The following ASTN2 variants were observed in gnomAD, a reference collection of about 807,000 sequenced individuals.
The protein encoded by ASTN2 is astrotactin-2.
Under a neutral mutation model 139.8 loss-of-function variants are expected in ASTN2, and 54 were observed. That is an observed-to-expected ratio of 0.39 (90% CI 0.31 to 0.48). ASTN2 has a LOEUF of 0.48. Among genes scored for constraint, ASTN2 ranks in the 20% least tolerant of loss-of-function variants. The probability of loss-of-function intolerance (pLI) is 0.95; values close to 1 mark genes in which losing one functional copy is unlikely to be tolerated. For missense variants in ASTN2, 1,565 were observed against 1,725.1 expected (o/e 0.91, Z 1.64); for synonymous variants, 756 against 719.5 (o/e 1.05, Z -0.81).
chr9:116,450,093 A>T (rs1588070387), intron 20 of ASTN2, among the ~76,000 whole-genome samples: 1 of 152,310 alleles, frequency 6.6e-6, no homozygotes, highest in South Asian at 2.1e-4. Flanking sequence ...TAACTGCAAC[A>T]ACTAACAAGC....
chr9:117,116,805 T>C (rs895850955), intron 4 of ASTN2, among the ~76,000 whole-genome samples: 2 of 114,216 alleles, frequency 1.8e-5, no homozygotes, highest in African/African-American at 3.5e-5. Context: ...TGTGTGTTGA[T>C]GGGGTTTTGA....
At chr9:117,088,939 C>T (rs77462582) in intron 5 of ASTN2, among the ~76,000 whole-genome samples, 3,025 of 152,236 alleles carry the variant, frequency 0.02, 57 homozygotes, top group Non-Finnish European at 0.03. Context: ...AGCATTGTGC[C>T]CAGGGCTGGG....
In ASTN2 at chr9:117,337,534, C is replaced by T. The variant is rs146321696; in HGVS notation, c.443-46021G>A. On this transcript the variant is annotated intron_variant, in intron 1 of 22. Transcript: ENST00000313400. The stretch of plus-strand genomic sequence containing the variant: ...TTATAACAGCACCGTTAAGTAATAA[C>T]ACTATGTCAGGTAAGCACAGTGAAG... 4.9e-3 allele frequency among the ~76,000 whole-genome samples: 753 copies of T among 152,254 alleles called. 7 individuals carry two copies. Among genetic ancestry groups the T allele is most frequent in the African/African-American group, 0.018 (731 of 41,536 alleles).
chr9:117,349,394 A>AATCT (rs1488290431), intron 1 of ASTN2, among the ~76,000 whole-genome samples: 2 of 152,280 alleles, frequency 1.3e-5, no homozygotes, highest in East Asian at 3.9e-4. Flanking sequence ...ACTTGTTGAG[A>AATCT]ATCTATCTTG....
chr9:116,604,525 G>C (rs1185464154), intron 19 of ASTN2, among the ~76,000 whole-genome samples: 1 of 152,164 alleles, frequency 6.6e-6, no homozygotes, highest in Non-Finnish European at 1.5e-5. Flanking sequence ...GGCTGACCCG[G>C]AGTAAGCAGA....
intron 2 of ASTN2, among the ~76,000 whole-genome samples, chr9:117,250,749 T>A (rs189489147): frequency 6.6e-6 from 1 of 152,292 alleles, no homozygotes; most frequent in Non-Finnish European, 1.5e-5. Flanking sequence ...ACACAGATAC[T>A]GTCATTCCTG....
rs554536312 is a variant in ASTN2 at position 116,942,777 on chromosome 9, G to A, written c.1889+32431C>T. Among the ~76,000 whole-genome samples, 5 of 152,306 alleles carry A rather than the reference G, an allele frequency of 3.3e-5. No individual in the cohort carries two copies. In the East Asian group the frequency reaches 9.6e-4, roughly 29 times the overall value. On this transcript the variant is annotated intron_variant, in intron 10 of 22. Coordinates refer to ENST00000313400, the MANE Select transcript of ASTN2 (RefSeq NM_001365068.1). Reference sequence around the variant, plus strand: ...GATGAGGAAGATTGAAACAATAAGAGGCCAAGTTCAGCCCAATAAAAGCAA... The same window carrying A: ...GATGAGGAAGATTGAAACAATAAGAAGCCAAGTTCAGCCCAATAAAAGCAA...
intron 2 of ASTN2, among the ~76,000 whole-genome samples, chr9:117,279,611 G>A (rs2133140812): frequency 6.6e-6 from 1 of 152,224 alleles, no homozygotes. Context: ...TTCTTGTTTT[G>A]GGTTTTAGCC....
intron 19 of ASTN2, among the ~76,000 whole-genome samples, chr9:116,532,265 T>C (rs1250603465): frequency 6.6e-6 from 1 of 152,226 alleles, no homozygotes; most frequent in Non-Finnish European, 1.5e-5. Context: ...ATATTAGCCC[T>C]TTGTCAGATG....
chr9:117,335,176 T>G (rs1828844260), intron 1 of ASTN2, among the ~76,000 whole-genome samples: 1 of 152,230 alleles, frequency 6.6e-6, no homozygotes, highest in African/African-American at 2.4e-5. Flanking sequence ...TTCCATCACT[T>G]GTATATTTAT....
chr9:116,754,429 A>T (rs1176144132), intron 13 of ASTN2, among the ~76,000 whole-genome samples: 1 of 152,214 alleles, frequency 6.6e-6, no homozygotes, highest in Non-Finnish European at 1.5e-5. Flanking sequence ...TCACACCAAC[A>T]GTGTAAAAGC....
At chr9:117,407,495 G>A (rs894159295) in intron 1 of ASTN2, among the ~76,000 whole-genome samples, 1 of 152,324 alleles carries the variant, frequency 6.6e-6, no homozygotes, top group South Asian at 2.1e-4. Flanking sequence ...TGAAGAAGTA[G>A]TTTCCCTTCA....
intron 11 of ASTN2, among the ~76,000 whole-genome samples, chr9:116,824,003 T>C (rs1197099235): frequency 2.0e-5 from 3 of 152,242 alleles, no homozygotes; most frequent in South Asian, 2.1e-4. Flanking sequence ...GTATGGACCA[T>C]GTGGCTTGTC....
chr9:116,632,187 AGAG>A lies in ASTN2; in HGVS notation c.3073-11747_3073-11745del, dbSNP rs1564168869. Among the ~76,000 whole-genome samples, 23 of 35,934 alleles carry A rather than the reference AGAG, an allele frequency of 6.4e-4. 1 individual carries two copies. Among genetic ancestry groups the A allele is most frequent in the African/African-American group, 2.9e-3 (21 of 7,320 alleles). The allele number at this position is 35,934 out of a possible 152,430, so 23.6% of individuals were successfully genotyped here. ...GAGAGAGAGAGAGAGAGAGAGAGGG[AGAG>A]AGAGAGAAAGAAAGAAAAGAAAGAA... On this transcript the variant is annotated intron_variant, in intron 17 of 22. Transcript: ENST00000313400.
intron 6 of ASTN2, among the ~76,000 whole-genome samples, chr9:117,037,018 G>T (rs1838402285): frequency 6.6e-6 from 1 of 152,036 alleles, no homozygotes; most frequent in African/African-American, 2.4e-5. Flanking sequence ...TCTACCAGAA[G>T]GATTCTATAG....
At chr9:116,851,200 T>C (rs1179779140) in intron 11 of ASTN2, among the ~76,000 whole-genome samples, 4 of 152,284 alleles carry the variant, frequency 2.6e-5, no homozygotes, top group Admixed American at 2.0e-4. Context: ...ATAAAAGAGC[T>C]GCTCTATGCA....
In ASTN2 at chr9:117,414,810, C is replaced by G; in HGVS notation, c.129G>C (p.Pro43=). 8.2e-7 allele frequency: 1 copy of G among 1,224,036 alleles called. No individual in the cohort carries two copies. Among genetic ancestry groups the G allele is most frequent in the African/African-American group, 1.6e-5 (1 of 62,276 alleles). 75.8% of individuals were successfully genotyped at this position (1,224,036 alleles called of 1,614,324 possible). A position where few individuals can be genotyped will look rare whatever the true frequency, so the allele number is the denominator to read the frequency against. The change falls in exon 1 of 23, where the codon CCG becomes CCC. Residue 43 remains proline, a synonymous_variant. Transcript: ENST00000313400. This position sits in a 1 kb window ranked among gnomAD's most constrained non-coding sequence, Gnocchi z 4.2. Reference sequence around the variant, plus strand: ...TGGCGCCGGCCAGCAGCGGCGGCGGCGGCAGCAGGAGCAGGAACAGCAGCA... The same window carrying G: ...TGGCGCCGGCCAGCAGCGGCGGCGGGGGCAGCAGGAGCAGGAACAGCAGCA... ...PLLLLFLLLL[P]PPPLLAGATA...
At chr9:117,331,710 G>A (rs1015959015) in intron 1 of ASTN2, among the ~76,000 whole-genome samples, 10 of 152,116 alleles carry the variant, frequency 6.6e-5, no homozygotes, top group Non-Finnish European at 1.5e-4. Context: ...CAGAACTTTT[G>A]ACTCTGATAG....
At chr9:116,830,301 A>G (rs993467667) in intron 11 of ASTN2, among the ~76,000 whole-genome samples, 2 of 152,232 alleles carry the variant, frequency 1.3e-5, no homozygotes, top group Non-Finnish European at 2.9e-5. Flanking sequence ...CACACCAGTC[A>G]GAATGGCTAC....
Sources: allele counts gnomAD v4.1 joint callset (sites outside exome capture counted in the v4.1 genomes callset), GRCh38; gene constraint gnomAD v4.1.1; non-coding constraint Gnocchi (gnomAD v3.1); transcripts MANE v1.5; gene names NCBI Gene and HGNC (gene_info 2026-07-23, HGNC 2026-07-21).